The following ERCC4 variants were observed in gnomAD, a reference collection of about 807,000 sequenced individuals.
The protein encoded by ERCC4 is ERCC excision repair 4, endonuclease catalytic subunit.
ERCC4 carries 65 observed loss-of-function variants against 76.9 expected under a neutral mutation model. That is an observed-to-expected ratio of 0.84 (90% CI 0.69 to 1.04). ERCC4 has a LOEUF of 1.04. Ranked by LOEUF, ERCC4 falls within the 50% of genes least tolerant of loss-of-function variation. ERCC4 has a pLI of 0.00. For synonymous variants in ERCC4, 463 were observed against 410.1 expected, an observed-to-expected ratio of 1.13 and a Z score of -1.56; for missense variants, 1,214 against 1,128.2, an observed-to-expected ratio of 1.08 and a Z score of -1.09.
At chr16:13,921,026 T>A (rs2031964159) in intron 1 of ERCC4, among the ~76,000 whole-genome samples, 1 of 151,946 alleles carries the variant, frequency 6.6e-6, no homozygotes. Context: ...AGGATCTGGA[T>A]AGGAATAACG....
intron 8 of ERCC4, among the ~76,000 whole-genome samples, chr16:13,935,960 G>A (rs568389318): frequency 2.5e-4 from 38 of 152,258 alleles, no homozygotes; most frequent in African/African-American, 8.7e-4. Context: ...TCTTGTTCTC[G>A]TTACGTGCTG....
At position 13,935,470 on chromosome 16, in the gene ERCC4, G is replaced by T; in HGVS notation, c.1538G>T (p.Gly513Val). 6.2e-7 allele frequency: 1 copy of T among 1,614,174 alleles called. No individual in the cohort carries two copies. Among genetic ancestry groups the T allele is most frequent in the Non-Finnish European group, 8.5e-7 (1 of 1,180,024 alleles). The change falls in exon 8 of 11, where the codon GGA (glycine) becomes GTA (valine). Residue 513 changes from glycine to valine, a missense_variant. Transcript: ENST00000311895. ...GAAGAGGAAGGAGATGTCGAGGAAG[G>T]ATATCGTCGAGAAATAAGCAGTAGC... The part of the protein sequence containing the change: ...ELEEEGDVEE[G>V]YRREISSSPE...
chr16:13,949,248 G>A lies in ERCC4; in HGVS notation c.*901G>A, dbSNP rs1324177635. Reference sequence around the variant, plus strand: ...ATATCAGAGATCCCTAAGTCCAGCTGGCTAGTTACAGAGTTTTTTCAGACT... The same window carrying A: ...ATATCAGAGATCCCTAAGTCCAGCTAGCTAGTTACAGAGTTTTTTCAGACT... On this transcript the variant is annotated 3_prime_UTR_variant, in exon 11 of 11. Coordinates refer to ENST00000311895, the MANE Select transcript of ERCC4 (RefSeq NM_005236.3). 4.3e-6 allele frequency: 1 copy of A among 233,258 alleles called. No homozygotes were observed. The highest frequency in any genetic ancestry group is 8.5e-6 in the Non-Finnish European group (1 of 118,124). The allele number at this position is 233,258 out of a possible 1,614,324, so 14.4% of individuals were successfully genotyped here. A position where few individuals can be genotyped will look rare whatever the true frequency, so the allele number is the denominator to read the frequency against.
rs1480133855 is a variant in ERCC4, at chr16:13,922,013, A to G, written c.208-18A>G. The stretch of plus-strand genomic sequence containing the variant: ...CCCTGTATTAAATAGCCTACTAATC[A>G]AGTTTGATTTGATTTAGGAGTATTT... On this transcript the variant is annotated intron_variant, in intron 1 of 10. Coordinates refer to ENST00000311895, the MANE Select transcript of ERCC4 (RefSeq NM_005236.3). 1 of 1,595,998 alleles carries G rather than the reference A, an allele frequency of 6.3e-7. No homozygotes were observed. The highest frequency in any genetic ancestry group is 8.6e-7 in the Non-Finnish European group (1 of 1,163,964).
At chr16:13,920,736 C>G (rs2031957420) in intron 1 of ERCC4, among the ~76,000 whole-genome samples, 1 of 151,326 alleles carries the variant, frequency 6.6e-6, no homozygotes, top group Non-Finnish European at 1.5e-5. Flanking sequence ...GGGAGGGGTC[C>G]CAAGAAGGAT....
At chr16:13,940,685 G>A (rs942413930) in intron 9 of ERCC4, among the ~76,000 whole-genome samples, 6 of 152,188 alleles carry the variant, frequency 3.9e-5, no homozygotes, top group African/African-American at 1.2e-4. Flanking sequence ...AGACATTTAC[G>A]ATAAATCACA....
chr16:13,932,530 T>C (rs1206917366), intron 6 of ERCC4: 1 of 571,006 alleles, frequency 1.8e-6, no homozygotes, highest in East Asian at 2.9e-5. Flanking sequence ...GGCTTCCAAA[T>C]AACAGATGTC....
Position 13,928,241 on chromosome 16 carries a change from CTT to C in ERCC4, c.792+10_792+11del, listed in dbSNP as rs754843955. 6.4e-7 allele frequency: 1 copy of C among 1,573,650 alleles called. No individual in the cohort carries two copies. Among genetic ancestry groups the C allele is most frequent in the Non-Finnish European group, 8.7e-7 (1 of 1,144,270 alleles). ...TTGGAAAACCTTTTGACAAGGTACT[CTT>C]TTTCCTTTTAAGCACAGTTTATTAT... On this transcript the variant is annotated splice_region_variant and intron_variant, in intron 4 of 10. Coordinates refer to ENST00000311895, the MANE Select transcript of ERCC4 (RefSeq NM_005236.3).
At chr16:13,934,355 C>G (rs2032241983) in intron 7 of ERCC4, 53 bp downstream of exon 7, 2 of 1,155,670 alleles carry the variant, frequency 1.7e-6, no homozygotes, top group Admixed American at 3.4e-5. Flanking sequence ...CAAATGAGTC[C>G]TGATTTAATT....
rs3136152 is a variant in ERCC4 at position 13,935,977 on chromosome 16, G to A, written c.1811+234G>A. On this transcript the variant is annotated intron_variant, in intron 8 of 10. Transcript: ENST00000311895. ...TTGTTCTCGTTACGTGCTGCTGTGC[G>A]TTCTCTCCTTTATTCTTTGGGTATT... 0.1 allele frequency among the ~76,000 whole-genome samples: 15,257 copies of A among 152,140 alleles called. 2,569 individuals are homozygous for A. Among genetic ancestry groups the A allele is most frequent in the African/African-American group, 0.34 (14,235 of 41,420 alleles).
chr16:13,927,974 A>T, intron 3 of ERCC4, 54 bp from the exon 4 acceptor site: 3 of 1,346,396 alleles, frequency 2.2e-6, no homozygotes, highest in Non-Finnish European at 3.2e-6. Context: ...CAAGACCAGA[A>T]ATACATAGCT....
At chr16:13,935,980 C>T (rs991440465) in intron 8 of ERCC4, among the ~76,000 whole-genome samples, 2 of 152,164 alleles carry the variant, frequency 1.3e-5, no homozygotes, top group South Asian at 2.1e-4. Flanking sequence ...GCTGTGCGTT[C>T]TCTCCTTTAT....
At position 13,932,938 on chromosome 16, in the gene ERCC4, C is replaced by A. The variant is rs186579799; in HGVS notation, c.1102+653C>A. On this transcript the variant is annotated intron_variant, in intron 6 of 10. Coordinates refer to ENST00000311895, the MANE Select transcript of ERCC4 (RefSeq NM_005236.3). ...GCGGGCACCTGTAATCCCAGCTACT[C>A]AGGAGGCTGAGGCAGGAGAATCACT... is the stretch of plus-strand genomic sequence containing the variant. 1.9e-3 allele frequency: 451 copies of A among 236,570 alleles called. 2 individuals carry two copies. Among genetic ancestry groups the A allele is most frequent in the African/African-American group, 9.8e-3 (406 of 41,516 alleles). The allele number at this position is 236,570 out of a possible 1,614,324, so 14.7% of individuals were successfully genotyped here.
In ERCC4 at chr16:13,951,124, C is replaced by A. The variant is rs2032622298; in HGVS notation, c.*2777C>A. 5.4e-6 allele frequency: 1 copy of A among 186,186 alleles called. No homozygotes were observed. The highest frequency in any genetic ancestry group is 1.1e-5 in the Non-Finnish European group (1 of 88,146). The allele number at this position is 186,186 out of a possible 1,614,324, so 11.5% of individuals were successfully genotyped here. ...TGTATTTCCAGTTTTGGAAAGTTTTCAATACATACATCAAGTGTTTACTTA... is the reference window on the plus strand; with the variant it reads ...TGTATTTCCAGTTTTGGAAAGTTTTAAATACATACATCAAGTGTTTACTTA... On this transcript the variant is annotated 3_prime_UTR_variant, in exon 11 of 11. Coordinates refer to ENST00000311895, the MANE Select transcript of ERCC4 (RefSeq NM_005236.3).
intron 3 of ERCC4, chr16:13,927,761 C>T: frequency 2.2e-6 from 1 of 449,750 alleles, no homozygotes. Flanking sequence ...AATGGTGTGA[C>T]TGCATTCCAG....
At chr16:13,929,548 G>A (rs1039600388) in intron 4 of ERCC4, among the ~76,000 whole-genome samples, 3 of 152,118 alleles carry the variant, frequency 2.0e-5, no homozygotes, top group African/African-American at 4.8e-5. Flanking sequence ...AGATAATTCT[G>A]TACCTAAAAA....
At chr16:13,922,328 C>T (rs1426702064) in intron 2 of ERCC4, 117 bp downstream of exon 2, 5 of 813,124 alleles carry the variant, frequency 6.1e-6, no homozygotes, top group African/African-American at 5.1e-5. Context: ...AAGGACTCAG[C>T]TCCCTACATC....
chr16:13,947,591 C>T, intron 10 of ERCC4, 23 bp from the exon 11 acceptor site: 3 of 1,613,710 alleles, frequency 1.9e-6, no homozygotes, highest in Middle Eastern at 1.7e-4. Flanking sequence ...TCCCCAGTGA[C>T]ATTACTTACT....
intron 4 of ERCC4, among the ~76,000 whole-genome samples, chr16:13,928,635 T>C (rs1304771124): frequency 2.0e-5 from 3 of 152,194 alleles, no homozygotes; most frequent in Admixed American, 2.0e-4. Flanking sequence ...GAGTTTTCAT[T>C]ACTGAGGAGT....
Sources: allele counts gnomAD v4.1 joint callset (sites outside exome capture counted in the v4.1 genomes callset), GRCh38; gene constraint gnomAD v4.1.1; transcripts MANE v1.5; gene names NCBI Gene and HGNC (gene_info 2026-07-23, HGNC 2026-07-21).